Variants in ASB5 observed in about 807,000 individuals in gnomAD.
The protein encoded by ASB5 is ankyrin repeat and SOCS box containing 5.
In ASB5, 45 loss-of-function variants were observed where a neutral mutation model predicts 42.1. The ratio of observed to expected loss-of-function variants is 1.07; its 90% CI spans 0.84 to 1.37. The LOEUF (loss-of-function observed/expected upper bound fraction) is 1.37, where lower values mean the gene tolerates loss of function less well. Ranked by LOEUF, ASB5 falls within the 40% of genes most tolerant of loss-of-function variation. ASB5 has a pLI of 0.00. For synonymous variants in ASB5, 147 were observed against 150.6 expected (o/e 0.98, Z 0.18); for missense variants, 402 against 399.8 (o/e 1.01, Z -0.05).
In ASB5 at chr4:176,215,662, A is replaced by C; in HGVS notation, c.928T>G (p.Leu310Val). ...AGCTGGAGTTGTGGGATAAGGTGCAATCTTGGTTTTCCTATGTAGCTTCGG... is the reference window on the plus strand; with the variant it reads ...AGCTGGAGTTGTGGGATAAGGTGCACTCTTGGTTTTCCTATGTAGCTTCGG... ...CIRSYIGKPR[L>V]HLIPQLQLPT... The change falls in exon 7 of 7, where the codon TTG becomes GTG. Residue 310 changes from leucine (L) to valine (V), a missense_variant. Transcript: ENST00000296525. The C allele has an allele frequency of 6.2e-7, 1 of 1,613,420 alleles. No homozygotes were observed. Among genetic ancestry groups the C allele is most frequent in the Non-Finnish European group, 8.5e-7 (1 of 1,179,592 alleles).
At chr4:176,265,955 T>C (rs1754348439) in intron 1 of ASB5, among the ~76,000 whole-genome samples, 1 of 152,102 alleles carries the variant, frequency 6.6e-6, no homozygotes, top group African/African-American at 2.4e-5. Context: ...TCTTAAGAGA[T>C]GAAAAGATAG....
chr4:176,239,801 G>A (rs1303063423), intron 1 of ASB5, among the ~76,000 whole-genome samples: 1 of 152,158 alleles, frequency 6.6e-6, no homozygotes, highest in Non-Finnish European at 1.5e-5. Context: ...ACTGGGAGAT[G>A]TGCTGCACTG....
At chr4:176,272,048 G>A (rs1754478530), upstream of ASB5, among the ~76,000 whole-genome samples, 2 of 152,044 alleles carry the variant, frequency 1.3e-5, no homozygotes, top group South Asian at 4.1e-4. Context: ...ACTCCAGTAA[G>A]CTGCATACAT....
intron 1 of ASB5, chr4:176,241,598 A>C (rs1753813831): frequency 7.0e-7 from 1 of 1,431,870 alleles, no homozygotes; most frequent in Non-Finnish European, 9.1e-7. Flanking sequence ...ATCTGAGCCC[A>C]GTTCTTGCTC....
In ASB5 at chr4:176,268,990, T is replaced by G. The variant is rs764357841; in HGVS notation, c.119A>C (p.His40Pro). 2 of 1,613,504 alleles carry G rather than the reference T, an allele frequency of 1.2e-6. No homozygotes were observed. Among genetic ancestry groups the G allele is most frequent in the African/African-American group, 2.7e-5 (2 of 74,876 alleles). ...GCGGTTGCCTTTCACTATGTAGAAA[T>G]GACTGAGGATGGCAAGGCTGATTTT... ...FVKISLAILS[H>P]FYIVKGNRKE... Residue 40 changes from histidine to proline, a missense_variant, in exon 1 of 7, where the codon CAT becomes CCT. His to Pro is a moderately conservative substitution (Grantham distance 77, BLOSUM62 -2). Transcript: ENST00000296525.
chr4:176,258,834 T>C lies in ASB5; in HGVS notation c.196+10079A>G, dbSNP rs192190300. Among the ~76,000 whole-genome samples the C allele has an allele frequency of 2.0e-5, 3 of 152,302 alleles. No individual in the cohort carries two copies. The East Asian group carries it at 5.8e-4, about 29-fold the overall frequency. Reference sequence around the variant, plus strand: ...CATAAATAAAAATAAAAATGCTTTTTCAAAAAAATAGTATCATCAGTTTCA... The same window carrying C: ...CATAAATAAAAATAAAAATGCTTTTCCAAAAAAATAGTATCATCAGTTTCA... On this transcript the variant is annotated intron_variant, in intron 1 of 6. Coordinates refer to ENST00000296525, the MANE Select transcript of ASB5 (RefSeq NM_080874.4).
rs751490732 is a variant in ASB5, at chr4:176,221,260, A to G, written c.565T>C (p.Ser189Pro). 3 of 1,614,098 alleles carry G rather than the reference A, an allele frequency of 1.9e-6. No homozygotes were observed. The South Asian group carries it at 3.3e-5, about 18-fold the overall frequency. ...TCTTGGTCAACATCTATGCCCCAGGATATCAGGATGTCAAGACATTCATGG... is the reference window on the plus strand; with the variant it reads ...TCTTGGTCAACATCTATGCCCCAGGGTATCAGGATGTCAAGACATTCATGG... ...GHHECLDILISWGIDVDQEIP... is the reference protein window; with the variant it reads ...GHHECLDILIPWGIDVDQEIP... The change falls in exon 5 of 7, where the codon TCC (serine) becomes CCC (proline). Residue 189 changes from serine to proline, a missense_variant. Transcript: ENST00000296525.
intron 1 of ASB5, among the ~76,000 whole-genome samples, chr4:176,232,185 C>A (rs1294120231): frequency 6.7e-6 from 1 of 149,950 alleles, no homozygotes; most frequent in Non-Finnish European, 1.5e-5. Flanking sequence ...TGCAATGGTG[C>A]GATCTCGGCT....
chr4:176,245,713 G>A (rs1416132122), intron 1 of ASB5, among the ~76,000 whole-genome samples: 3 of 152,040 alleles, frequency 2.0e-5, no homozygotes, highest in East Asian at 3.9e-4. Flanking sequence ...AATACTATGC[G>A]GCCATAAAAA....
At chr4:176,224,227 T>TTTTTC in intron 2 of ASB5, among the ~76,000 whole-genome samples, 1 of 89,540 alleles carries the variant, frequency 1.1e-5, no homozygotes, top group African/African-American at 3.4e-5. Context: ...TTTGATTTTT[T>TTTTTC]TTTTTTTTTT....
In ASB5 at chr4:176,269,054, A is replaced by G; in HGVS notation, c.55T>C (p.Phe19Leu). The G allele has an allele frequency of 3.1e-6, 5 of 1,613,174 alleles. No individual in the cohort carries two copies. Among genetic ancestry groups the G allele is most frequent in the Non-Finnish European group, 4.2e-6 (5 of 1,179,528 alleles). Residue 19 changes from phenylalanine (F) to leucine (L), a missense_variant, in exon 1 of 7, where the codon TTT (phenylalanine) becomes CTT (leucine). Transcript: ENST00000296525. ...AAACAGAACAGCGAAAGTATTGTAAAGTAGACATTGGATAATTGTTGAGCA... is the reference window on the plus strand; with the variant it reads ...AAACAGAACAGCGAAAGTATTGTAAGGTAGACATTGGATAATTGTTGAGCA... ...PFAQQLSNVYFTILSLFCFKL... is the reference protein window; with the variant it reads ...PFAQQLSNVYLTILSLFCFKL...
At chr4:176,237,781 T>G (rs1266390789) in intron 1 of ASB5, among the ~76,000 whole-genome samples, 1 of 152,224 alleles carries the variant, frequency 6.6e-6, no homozygotes, top group East Asian at 1.9e-4. Context: ...CGTTAAAAGA[T>G]AAAAGCCTAT....
intron 1 of ASB5, among the ~76,000 whole-genome samples, chr4:176,249,803 C>T (rs561477433): frequency 2.0e-5 from 3 of 152,212 alleles, no homozygotes; most frequent in Admixed American, 6.5e-5. Flanking sequence ...CGGTGGCTCA[C>T]GCCTGTAATC....
rs1752927479 is a variant in ASB5 at position 176,215,009 on chromosome 4, G to A, written c.*591C>T. ...TCCATGTACTATGGAGAAGAGAAGT[G>A]ACTTGTGAGTCCTTTGCCAGGGGTA... On this transcript the variant is annotated 3_prime_UTR_variant, in exon 7 of 7. Transcript: ENST00000296525. 6.7e-6 allele frequency: 1 copy of A among 148,212 alleles called. No homozygotes were observed. The highest frequency in any genetic ancestry group is 2.5e-5 in the African/African-American group (1 of 39,850). The allele number at this position is 148,212 out of a possible 1,614,324, so 9.2% of individuals were successfully genotyped here.
In ASB5 at chr4:176,214,096, C is replaced by T. The variant is rs541572717; in HGVS notation, c.*1504G>A. The T allele has an allele frequency of 6.6e-6, 1 of 152,182 alleles. No homozygotes were observed. Among genetic ancestry groups the T allele is most frequent in the African/African-American group, 2.4e-5 (1 of 41,552 alleles). The allele number at this position is 152,182 out of a possible 1,614,324, so 9.4% of individuals were successfully genotyped here. A position where few individuals can be genotyped will look rare whatever the true frequency, so the allele number is the denominator to read the frequency against. ...ACATTGTTTAGTGAATATGCTACAG[C>T]TTTATTTCTATGTTTGAAAATCTCA... On this transcript the variant is annotated 3_prime_UTR_variant, in exon 7 of 7. Coordinates refer to ENST00000296525, the MANE Select transcript of ASB5 (RefSeq NM_080874.4).
chr4:176,265,249 A>G (rs1198044551), intron 1 of ASB5, among the ~76,000 whole-genome samples: 1 of 152,060 alleles, frequency 6.6e-6, no homozygotes, highest in Non-Finnish European at 1.5e-5. Context: ...CTGACTCCCA[A>G]CAGTCCATGT....
At chr4:176,268,881 C>G (rs761825548) in intron 1 of ASB5, 32 bp downstream of exon 1, 1 of 1,485,600 alleles carries the variant, frequency 6.7e-7, no homozygotes, top group East Asian at 2.5e-5. Context: ...TTAAACTCCA[C>G]TTGAAACAAG....
rs1305662626 is a variant in ASB5 at position 176,218,135 on chromosome 4, ATT to A, written c.671-1128_671-1127del. Among the ~76,000 whole-genome samples the A allele has an allele frequency of 7.5e-5, 9 of 119,792 alleles. No individual in the cohort carries two copies. In the South Asian group the frequency reaches 1.4e-3, roughly 19 times the overall value. The allele number at this position is 119,792 out of a possible 152,430, so 78.6% of individuals were successfully genotyped here. On this transcript the variant is annotated intron_variant, in intron 5 of 6. Transcript: ENST00000296525. The stretch of plus-strand genomic sequence containing the variant: ...CTAACAGTAATTTCTATATATATAT[ATT>A]TGTATGATATATAAATATATACATT...
At chr4:176,241,991 C>T (rs572630946) in intron 1 of ASB5, among the ~76,000 whole-genome samples, 28 of 152,186 alleles carry the variant, frequency 1.8e-4, no homozygotes, top group Middle Eastern at 6.8e-3. Flanking sequence ...ACACCTGGGA[C>T]GCGGAAGGGT....
Sources: allele counts gnomAD v4.1 joint callset (sites outside exome capture counted in the v4.1 genomes callset), GRCh38; gene constraint gnomAD v4.1.1; transcripts MANE v1.5; gene names NCBI Gene and HGNC (gene_info 2026-07-23, HGNC 2026-07-21).